CFAP299: variants seen among roughly 807,000 people sequenced by gnomAD.
The protein encoded by CFAP299 is cilia and flagella associated protein 299.
CFAP299 carries 21 observed loss-of-function variants against 27.0 expected under a neutral mutation model. The observed-to-expected ratio is 0.78, with a 90% CI of 0.55 to 1.12. The LOEUF is 1.12. Among genes scored for constraint, CFAP299 ranks in the 50% most tolerant of loss-of-function variants. CFAP299 has a pLI of 0.00. For missense variants in CFAP299, 310 were observed against 276.6 expected (o/e 1.12, Z -0.86); for synonymous variants, 104 against 98.1 (o/e 1.06, Z -0.36).
chr4:80,591,325 G>A (rs1317135358), intron 3 of CFAP299, among the ~76,000 whole-genome samples: 9 of 151,146 alleles, frequency 6.0e-5, no homozygotes, highest in Non-Finnish European at 1.0e-4. Flanking sequence ...GGGTTTCACC[G>A]TTTTAGCCGG....
intron 2 of CFAP299, among the ~76,000 whole-genome samples, chr4:80,403,881 CTT>C (rs774551405): frequency 2.0e-5 from 3 of 152,120 alleles, no homozygotes; most frequent in Non-Finnish European, 4.4e-5. Context: ...AGATAAATCA[CTT>C]TTTGATTTAA....
chr4:80,621,903 G>A (rs1028763502), intron 3 of CFAP299, among the ~76,000 whole-genome samples: 6 of 152,080 alleles, frequency 3.9e-5, no homozygotes, highest in South Asian at 2.1e-4. Context: ...GCTAAGGGGA[G>A]CATATGGAGG....
At chr4:80,913,623 G>A (rs1735590706) in intron 4 of CFAP299, among the ~76,000 whole-genome samples, 1 of 152,036 alleles carries the variant, frequency 6.6e-6, no homozygotes, top group African/African-American at 2.4e-5. Context: ...GAGACTGAGT[G>A]GTTTTGAAAC....
intron 4 of CFAP299, chr4:80,871,066 C>A (rs2110168697): frequency 4.5e-6 from 2 of 443,284 alleles, no homozygotes; most frequent in South Asian, 9.5e-5. Context: ...ACCACCACGT[C>A]TGGATACTTT....
chr4:80,754,165 G>A (rs1343348232), intron 3 of CFAP299, among the ~76,000 whole-genome samples: 3 of 151,990 alleles, frequency 2.0e-5, no homozygotes, highest in Non-Finnish European at 4.4e-5. Flanking sequence ...TTTCCTTCTG[G>A]TAGCCCATTG....
chr4:80,569,267 AG>A (rs1191826675), intron 2 of CFAP299, among the ~76,000 whole-genome samples: 1 of 152,114 alleles, frequency 6.6e-6, no homozygotes, highest in Non-Finnish European at 1.5e-5. Flanking sequence ...GTGAACAGGG[AG>A]GAATAAAATC....
chr4:80,623,378 A>C (rs2109934666), intron 3 of CFAP299, among the ~76,000 whole-genome samples: 1 of 152,304 alleles, frequency 6.6e-6, no homozygotes, highest in East Asian at 1.9e-4. Flanking sequence ...ATGAAACAAA[A>C]AGGCAGAAAT....
chr4:80,689,854 C>T (rs1245579417), intron 3 of CFAP299, among the ~76,000 whole-genome samples: 1 of 151,778 alleles, frequency 6.6e-6, no homozygotes, highest in Non-Finnish European at 1.5e-5. Context: ...GAAGGTCGAC[C>T]AAGCAAATGG....
chr4:80,870,492 T>A, intron 4 of CFAP299: 3 of 993,902 alleles, frequency 3.0e-6, no homozygotes, highest in Non-Finnish European at 3.6e-6. Context: ...TCCTCCACTT[T>A]TCTTTGGTCA....
chr4:80,677,110 T>C (rs918174544), intron 3 of CFAP299, among the ~76,000 whole-genome samples: 2 of 152,140 alleles, frequency 1.3e-5, no homozygotes, highest in African/African-American at 4.8e-5. Flanking sequence ...TTAGCACTGC[T>C]CTTACTGTAT....
At chr4:80,732,164 C>T (rs952814652) in intron 3 of CFAP299, among the ~76,000 whole-genome samples, 1 of 151,826 alleles carries the variant, frequency 6.6e-6, no homozygotes, top group Non-Finnish European at 1.5e-5. Flanking sequence ...TGGAAATGTT[C>T]CAGAAATCAT....
At chr4:80,871,597 T>A in intron 4 of CFAP299, 1 of 985,294 alleles carries the variant, frequency 1.0e-6, no homozygotes, top group Non-Finnish European at 1.2e-6. Flanking sequence ...AAAGGCAAAA[T>A]CCAGATGTTA....
In CFAP299 at chr4:80,674,517, G is replaced by A. The variant is rs374178064; in HGVS notation, c.333+91334G>A. ...TATGTGTCTTGGGGTTGCTCTTCTCGAGGAGTATCTTTGTGGTGTTCTCCA... is the reference window on the plus strand; with the variant it reads ...TATGTGTCTTGGGGTTGCTCTTCTCAAGGAGTATCTTTGTGGTGTTCTCCA... On this transcript the variant is annotated intron_variant, in intron 3 of 5. Transcript: ENST00000358105. Among the ~76,000 whole-genome samples the A allele has an allele frequency of 5.3e-5, 8 of 152,080 alleles. No individual in the cohort carries two copies. The East Asian group carries it at 5.8e-4, about 11-fold the overall frequency.
chr4:80,817,947 G>A (rs1205976293), intron 3 of CFAP299, among the ~76,000 whole-genome samples: 1 of 151,734 alleles, frequency 6.6e-6, no homozygotes, highest in Non-Finnish European at 1.5e-5. Context: ...CAATGCCTAG[G>A]TATTAAGCCC....
At chr4:80,948,725 C>T (rs1737604952) in intron 5 of CFAP299, among the ~76,000 whole-genome samples, 1 of 151,744 alleles carries the variant, frequency 6.6e-6, no homozygotes, top group African/African-American at 2.4e-5. Context: ...TTCTCACTTC[C>T]CATTTCTGAG....
intron 2 of CFAP299, among the ~76,000 whole-genome samples, chr4:80,424,952 T>C (rs976857552): frequency 3.9e-5 from 6 of 152,118 alleles, no homozygotes; most frequent in African/African-American, 9.7e-5. Flanking sequence ...CCACGGATAG[T>C]GTAGAAGGAA....
intron 4 of CFAP299, among the ~76,000 whole-genome samples, chr4:80,885,160 G>A (rs984258238): frequency 7.2e-5 from 11 of 152,184 alleles, no homozygotes; most frequent in African/African-American, 1.9e-4. Flanking sequence ...CATGGAGGGA[G>A]TATTTGGACC....
chr4:80,743,375 A>G (rs569475940), intron 3 of CFAP299, among the ~76,000 whole-genome samples: 7 of 152,344 alleles, frequency 4.6e-5, no homozygotes, highest in African/African-American at 1.7e-4. Flanking sequence ...ATATACATAC[A>G]TACATACATC....
intron 3 of CFAP299, among the ~76,000 whole-genome samples, chr4:80,862,933 C>A (rs1732472229): frequency 6.6e-6 from 1 of 152,056 alleles, no homozygotes; most frequent in Non-Finnish European, 1.5e-5. Context: ...TGTTAGAAAA[C>A]AATAGTTGAT....
Sources: allele counts gnomAD v4.1 joint callset (sites outside exome capture counted in the v4.1 genomes callset), GRCh38; gene constraint gnomAD v4.1.1; transcripts MANE v1.5; gene names NCBI Gene and HGNC (gene_info 2026-07-23, HGNC 2026-07-21).